Variants in EP400 observed in about 807,000 individuals in gnomAD.
EP400 encodes the protein E1A-binding protein p400.
A neutral mutation model predicts 354.1 loss-of-function variants in EP400; 105 were observed. That is an observed-to-expected ratio of 0.30 (90% CI 0.25 to 0.35). EP400 has a LOEUF of 0.35. Ranked by LOEUF, EP400 falls within the 10% of genes least tolerant of loss-of-function variation. The pLI is 1.00. For missense variants in EP400, 3,280 were observed against 4,121.0 expected (o/e 0.80, Z 5.59); for synonymous variants, 1,646 against 1,716.9 (o/e 0.96, Z 1.02).
intron 19 of EP400, among the ~76,000 whole-genome samples, chr12:132,016,650 G>A (rs974158472): frequency 2.6e-5 from 4 of 152,172 alleles, no homozygotes; most frequent in African/African-American, 4.8e-5. Flanking sequence ...GGGATTGCAG[G>A]CATGAGCCAC....
intron 32 of EP400, 33 bp from the exon 33 acceptor site, chr12:132,043,271 T>G: frequency 6.3e-7 from 1 of 1,589,470 alleles, no homozygotes; most frequent in Middle Eastern, 1.7e-4. Flanking sequence ...TTAAAAAGTC[T>G]ATCAAGGCAA....
intron 2 of EP400, chr12:131,963,550 A>G: frequency 6.3e-7 from 1 of 1,598,374 alleles, no homozygotes; most frequent in Non-Finnish European, 8.5e-7. Context: ...TGTGACAGGA[A>G]AGGATGGGCA....
intron 10 of EP400, among the ~76,000 whole-genome samples, chr12:131,991,759 T>G (rs979421908): frequency 6.6e-6 from 1 of 151,710 alleles, no homozygotes; most frequent in Non-Finnish European, 1.5e-5. Context: ...TTTTTTTTTT[T>G]GTATTTTAGT....
At chr12:132,020,494 C>T (rs187943497) in intron 22 of EP400, among the ~76,000 whole-genome samples, 33 of 152,336 alleles carry the variant, frequency 2.2e-4, no homozygotes, top group Admixed American at 1.2e-3. Flanking sequence ...TTTCTGTTGA[C>T]AGAGGTGCGT....
At chr12:131,981,686 G>C in intron 4 of EP400, 90 bp downstream of exon 4, 2 of 1,151,746 alleles carry the variant, frequency 1.7e-6, no homozygotes, top group South Asian at 2.8e-5. Flanking sequence ...GACTTGGGCA[G>C]TGGAGGTAGC....
intron 29 of EP400, among the ~76,000 whole-genome samples, chr12:132,031,511 T>G (rs962473262): frequency 6.6e-6 from 1 of 152,194 alleles, no homozygotes; most frequent in African/African-American, 2.4e-5. Context: ...GGTGTTGCTT[T>G]AACATGAGCC....
chr12:132,006,915 C>G, intron 15 of EP400, 38 bp downstream of exon 15: 3 of 1,610,854 alleles, frequency 1.9e-6, no homozygotes, highest in Non-Finnish European at 2.5e-6. Context: ...TACCTATTTG[C>G]TAGGACTTAC....
chr12:131,968,406 G>A (rs896173552), intron 2 of EP400, among the ~76,000 whole-genome samples: 2 of 152,138 alleles, frequency 1.3e-5, no homozygotes, highest in African/African-American at 2.4e-5. Flanking sequence ...TCTGTTTCTG[G>A]ATTCTCTTCT....
chr12:131,999,084 A>G lies in EP400; in HGVS notation c.2827+4128A>G, dbSNP rs117010784. Among the ~76,000 whole-genome samples the G allele has an allele frequency of 7.1e-3, 1,080 of 152,030 alleles. 35 individuals are homozygous for G. In the South Asian group the frequency reaches 0.094, roughly 13 times the overall value. On this transcript the variant is annotated intron_variant, in intron 12 of 52. Coordinates refer to ENST00000389561, the MANE Select transcript of EP400 (RefSeq NM_015409.5). The stretch of plus-strand genomic sequence containing the variant: ...CATTGGCTTGTTCTTGCTTTGAAAG[A>G]GAGCACTTTCAGTAGAAAGGCAGAT...
chr12:132,066,185 A>C (rs1895884723), intron 48 of EP400: 1 of 152,454 alleles, frequency 6.6e-6, no homozygotes, highest in Non-Finnish European at 1.5e-5. Flanking sequence ...AGCCACACAG[A>C]TATGAACAGT....
chr12:132,062,743 G>T, intron 47 of EP400, 42 bp downstream of exon 47: 1 of 1,606,888 alleles, frequency 6.2e-7, no homozygotes, highest in Non-Finnish European at 8.5e-7. Flanking sequence ...GCGTCTTGCG[G>T]TCAGTCAGCC....
chr12:132,073,459 C>CTTTTTTTTTTTTTCTTTTTTTTTTTTTTT (rs1896126196), intron 51 of EP400, among the ~76,000 whole-genome samples: 1 of 117,730 alleles, frequency 8.5e-6, no homozygotes, highest in African/African-American at 4.4e-5. Context: ...GTCCCTTTTC[C>CTTTTTTTTTTTTTCTTTTTTTTTTTTTTT]TTTTTTTTTT....
chr12:132,012,682 C>G (rs1893804819), intron 16 of EP400, among the ~76,000 whole-genome samples: 1 of 152,116 alleles, frequency 6.6e-6, no homozygotes, highest in African/African-American at 2.4e-5. Flanking sequence ...AGCACACTTC[C>G]CCTTGTTTTG....
Position 132,051,000 on chromosome 12 carries a change from A to G in EP400, c.7394+345A>G. 1 of 418,086 alleles carries G rather than the reference A, an allele frequency of 2.4e-6. No individual in the cohort carries two copies. The highest frequency in any genetic ancestry group is 2.4e-5 in the South Asian group (1 of 41,088). 25.9% of individuals were successfully genotyped at this position (418,086 alleles called of 1,614,324 possible). On this transcript the variant is annotated intron_variant, in intron 41 of 52. Coordinates refer to ENST00000389561, the MANE Select transcript of EP400 (RefSeq NM_015409.5). The surrounding 1 kb of genome is among the most constrained non-coding windows in gnomAD (Gnocchi z 4.8). The stretch of plus-strand genomic sequence containing the variant: ...CTCAGGCACTGATTTTGTTCGCCAT[A>G]TCTTAAGAACACACCACATTTAGGG...
At chr12:132,021,598 G>A (rs575899144) in intron 23 of EP400, among the ~76,000 whole-genome samples, 1 of 152,316 alleles carries the variant, frequency 6.6e-6, no homozygotes, top group Admixed American at 6.5e-5. Context: ...CTGCTTTGGT[G>A]CTGTGGACGG....
In EP400 at chr12:132,025,747, G is replaced by A. The variant is rs778179927; in HGVS notation, c.4957G>A (p.Ala1653Thr). 1.8e-5 allele frequency: 29 copies of A among 1,612,282 alleles called. No individual in the cohort carries two copies. Among genetic ancestry groups the A allele is most frequent in the Non-Finnish European group, 2.4e-5 (28 of 1,179,590 alleles). Residue 1653 changes from alanine (A) to threonine (T), a missense_variant, in exon 25 of 53, where the codon GCC becomes ACC. Transcript: ENST00000389561. This position sits in a 1 kb window ranked among gnomAD's most constrained non-coding sequence, Gnocchi z 4.1. ...TVSQAGAVHG[A>T]LGSKPPAGGP... ...GTCTCAGGCGGGCGCTGTGCACGGC[G>A]CCCTGGGAAGCAAGCCCCCGGCCGG...
chr12:132,055,089 G>C lies in EP400; in HGVS notation c.7775-10G>C. On this transcript the variant is annotated splice_polypyrimidine_tract_variant and intron_variant, in intron 44 of 52. Transcript: ENST00000389561. Reference sequence around the variant, plus strand: ...TGGCGCTGTTGCCTTATGCCCGCCTGTCTCCGCAGGTGCCGTGAGTGGAAA... The same window carrying C: ...TGGCGCTGTTGCCTTATGCCCGCCTCTCTCCGCAGGTGCCGTGAGTGGAAA... 1 of 1,613,926 alleles carries C rather than the reference G, an allele frequency of 6.2e-7. No individual in the cohort carries two copies. The highest frequency in any genetic ancestry group is 8.5e-7 in the Non-Finnish European group (1 of 1,179,928).
rs923783897 is a variant in EP400, at chr12:132,069,949, T to A, written c.9021+308T>A. On this transcript the variant is annotated intron_variant, in intron 51 of 52. Coordinates refer to ENST00000389561, the MANE Select transcript of EP400 (RefSeq NM_015409.5). The stretch of plus-strand genomic sequence containing the variant: ...TCTTCTCCCTTCCTGGTGTCTTTTT[T>A]AAAAATATATTTTATTTTATTTTTT... 1.2e-4 allele frequency among the ~76,000 whole-genome samples: 19 copies of A among 152,176 alleles called. 1 individual carries two copies. In the South Asian group the frequency reaches 1.7e-3, roughly 13 times the overall value.
chr12:132,053,603 C>T lies in EP400; in HGVS notation c.7728+6C>T. 1 of 1,523,310 alleles carries T rather than the reference C, an allele frequency of 6.6e-7. No individual in the cohort carries two copies. Among genetic ancestry groups the T allele is most frequent in the East Asian group, 2.4e-5 (1 of 42,046 alleles). 94.4% of individuals were successfully genotyped at this position (1,523,310 alleles called of 1,614,324 possible). A position where few individuals can be genotyped will look rare whatever the true frequency, so the allele number is the denominator to read the frequency against. ...GGGGCAGTGCAGCCGTACTGGTGAG[C>T]AGGGGCCTCCTCCCGGGCTTCCCCT... On this transcript the variant is annotated splice_donor_region_variant and intron_variant, in intron 43 of 52. Transcript: ENST00000389561.
Sources: gnomAD v4.1 joint callset for allele counts (sites outside exome capture counted in the v4.1 genomes callset) on GRCh38, gnomAD v4.1.1 for gene constraint, Gnocchi (gnomAD v3.1) non-coding constraint, MANE v1.5 for transcripts, NCBI Gene and HGNC (gene_info 2026-07-23, HGNC 2026-07-21) for gene names.